NCKAP5: variants seen among roughly 807,000 people sequenced by gnomAD.
The protein encoded by NCKAP5 is NCK associated protein 5.
A neutral mutation model predicts 167.0 loss-of-function variants in NCKAP5; 92 were observed. The observed-to-expected ratio is 0.55, with a 90% CI of 0.47 to 0.66. NCKAP5 has a LOEUF of 0.66. NCKAP5 is among the 30% of genes least tolerant of loss of function. NCKAP5 has a pLI of 0.00. For missense variants in NCKAP5, 2,378 were observed against 2,315.0 expected (o/e 1.03, Z -0.56); for synonymous variants, 891 against 877.4 (o/e 1.02, Z -0.27).
At chr2:132,955,199 A>C (rs1333138899) in intron 8 of NCKAP5, among the ~76,000 whole-genome samples, 1 of 152,240 alleles carries the variant, frequency 6.6e-6, no homozygotes, top group African/African-American at 2.4e-5. Flanking sequence ...AAAGGGAAAG[A>C]AAATAGCCCG....
intron 4 of NCKAP5, among the ~76,000 whole-genome samples, chr2:133,250,020 T>TTATTATTATTATTA (rs1553601559): frequency 2.7e-5 from 4 of 147,360 alleles, no homozygotes; most frequent in African/African-American, 9.9e-5. Flanking sequence ...ATTATTATTA[T>TTATTATTATTATTA]TATTATTATT....
intron 6 of NCKAP5, among the ~76,000 whole-genome samples, chr2:133,114,699 T>C (rs1482768881): frequency 6.6e-6 from 1 of 152,148 alleles, no homozygotes; most frequent in Non-Finnish European, 1.5e-5. Context: ...TCCTTGTACT[T>C]TATTTGTTGA....
At chr2:133,630,159 T>C in the NCKAP5 span, among the ~76,000 whole-genome samples, 1 of 152,076 alleles carries the variant, frequency 6.6e-6, no homozygotes, top group Non-Finnish European at 1.5e-5. Context: ...TAAAACATTG[T>C]TTCAAAAAGA....
intron 4 of NCKAP5, among the ~76,000 whole-genome samples, chr2:133,224,896 T>A (rs1026621280): frequency 1.3e-5 from 2 of 152,198 alleles, no homozygotes; most frequent in African/African-American, 2.4e-5. Context: ...ATATACTTCT[T>A]ATAAATCATT....
chr2:132,791,631 G>A (rs1296267077), intron 12 of NCKAP5, among the ~76,000 whole-genome samples: 4 of 152,098 alleles, frequency 2.6e-5, no homozygotes, highest in Admixed American at 2.0e-4. Context: ...ATCTGTCTTT[G>A]TGTCACTTGC....
intron 3 of NCKAP5, among the ~76,000 whole-genome samples, chr2:133,478,977 T>G (rs1475837837): frequency 1.3e-5 from 2 of 152,142 alleles, no homozygotes; most frequent in East Asian, 3.8e-4. Flanking sequence ...CATATTTTTA[T>G]AAGTGAAATA....
At chr2:132,952,400 C>T (rs2076214566) in intron 8 of NCKAP5, among the ~76,000 whole-genome samples, 1 of 152,154 alleles carries the variant, frequency 6.6e-6, no homozygotes, top group Non-Finnish European at 1.5e-5. Context: ...TAAGGTATTT[C>T]TAATAAGCTT....
rs1375617497 is a variant in NCKAP5, at chr2:132,731,954, T to C, written c.5226A>G (p.Pro1742=). The C allele has an allele frequency of 1.9e-6, 3 of 1,613,824 alleles. No individual in the cohort carries two copies. The highest frequency in any genetic ancestry group is 2.5e-6 in the Non-Finnish European group (3 of 1,179,890). The change falls in exon 17 of 20, where the codon CCA becomes CCG. Residue 1742 remains proline, a synonymous_variant. Transcript: ENST00000409261. ...GAGGCTCAGCGTCCTCTGGGGAGTC[T>C]GGCTGGCATAGGTAGCGTCCTGTCG... The part of the protein sequence containing the change: ...NRSTGRYLCQ[P]DSPEDAEPLL...
At chr2:133,635,877 G>C in the NCKAP5 span, among the ~76,000 whole-genome samples, 12 of 152,308 alleles carry the variant, frequency 7.9e-5, no homozygotes, top group South Asian at 1.9e-3. Context: ...GAAGGAATGA[G>C]CCAAACCTTT....
chr2:133,140,023 C>A (rs1057070900), intron 5 of NCKAP5, among the ~76,000 whole-genome samples: 1 of 152,150 alleles, frequency 6.6e-6, no homozygotes, highest in Non-Finnish European at 1.5e-5. Flanking sequence ...TAGAAAAGAG[C>A]TTTATTTACT....
At chr2:133,382,415 A>C (rs1477836439) in intron 3 of NCKAP5, among the ~76,000 whole-genome samples, 1 of 152,146 alleles carries the variant, frequency 6.6e-6, no homozygotes, top group African/African-American at 2.4e-5. Flanking sequence ...ACCTTCACTT[A>C]AACCATTCAA....
intron 3 of NCKAP5, among the ~76,000 whole-genome samples, chr2:133,376,738 C>T (rs1686173076): frequency 6.6e-6 from 1 of 152,150 alleles, no homozygotes; most frequent in African/African-American, 2.4e-5. Flanking sequence ...AATCTCATCT[C>T]TTGTCATTTC....
At chr2:132,918,612 C>A (rs1695069009) in intron 8 of NCKAP5, among the ~76,000 whole-genome samples, 1 of 152,056 alleles carries the variant, frequency 6.6e-6, no homozygotes, top group South Asian at 2.1e-4. Context: ...ATGATGATGA[C>A]AATGCTATTA....
At chr2:133,261,982 G>A (rs373844065) in intron 4 of NCKAP5, among the ~76,000 whole-genome samples, 1 of 152,198 alleles carries the variant, frequency 6.6e-6, no homozygotes, top group Non-Finnish European at 1.5e-5. Flanking sequence ...GTTGAGAGAC[G>A]AGGTTAATGT....
intron 19 of NCKAP5, among the ~76,000 whole-genome samples, chr2:132,697,450 A>G (rs1026321901): frequency 2.0e-5 from 3 of 152,374 alleles, no homozygotes; most frequent in Admixed American, 2.0e-4. Context: ...GTCATATTAG[A>G]TTCTATTTCC....
At chr2:132,908,359 TCTGGTCAG>T in intron 8 of NCKAP5, among the ~76,000 whole-genome samples, 1 of 152,204 alleles carries the variant, frequency 6.6e-6, no homozygotes, top group South Asian at 2.1e-4. Flanking sequence ...CCTAAGGCAC[TCTGGTCAG>T]TCAATTTCTC....
chr2:132,742,280 C>G (rs58230996), intron 16 of NCKAP5, among the ~76,000 whole-genome samples: 56 of 151,978 alleles, frequency 3.7e-4, no homozygotes, highest in African/African-American at 1.3e-3. Context: ...ATTTCACCTG[C>G]CTGGATAACA....
chr2:133,046,762 G>T (rs1310946929), intron 6 of NCKAP5, among the ~76,000 whole-genome samples: 1 of 152,096 alleles, frequency 6.6e-6, no homozygotes, highest in Non-Finnish European at 1.5e-5. Flanking sequence ...AATAGGCAAA[G>T]CATTGCCAAT....
At chr2:133,564,247 CAATG>C (rs1449548457) in intron 1 of NCKAP5, among the ~76,000 whole-genome samples, 1 of 152,172 alleles carries the variant, frequency 6.6e-6, no homozygotes, top group Non-Finnish European at 1.5e-5. Context: ...TTTGCTTGGA[CAATG>C]AATACAATGA....
Sources: allele counts gnomAD v4.1 joint callset (sites outside exome capture counted in the v4.1 genomes callset), GRCh38; gene constraint gnomAD v4.1.1; transcripts MANE v1.5; gene names NCBI Gene and HGNC (gene_info 2026-07-23, HGNC 2026-07-21).